CCDC152: variants seen among roughly 807,000 people sequenced by gnomAD.
CCDC152 encodes the protein coiled-coil domain-containing protein 152.
CCDC152 carries 37 observed loss-of-function variants against 38.1 expected under a neutral mutation model. The ratio of observed to expected loss-of-function variants is 0.97; its 90% CI spans 0.75 to 1.28. CCDC152 has a LOEUF of 1.28. Ranked by LOEUF, CCDC152 falls within the 50% of genes most tolerant of loss-of-function variation. The probability of loss-of-function intolerance (pLI) is 0.00; values close to 1 mark genes in which losing one functional copy is unlikely to be tolerated. For missense variants in CCDC152, 259 were observed against 292.1 expected (o/e 0.89, Z 0.83); for synonymous variants, 83 against 87.1 (o/e 0.95, Z 0.26).
rs1163577020 is a variant in CCDC152, at chr5:42,799,445, G to A, written c.629G>A (p.Ser210Asn). 7 of 1,539,456 alleles carry A rather than the reference G, an allele frequency of 4.5e-6. No individual in the cohort carries two copies. The East Asian group carries it at 1.2e-4, about 27-fold the overall frequency. The change falls in exon 8 of 9, where the codon AGT becomes AAT. Residue 210 changes from serine (S) to asparagine (N), a missense_variant. By Grantham distance (46) the Ser-to-Asn change is conservative. Transcript: ENST00000361970. ...CAGGATTCTACTGTTTTGCCACAAA[G>A]TATCTACAGAAGGGTATGTGAGTTT... ...SYQDSTVLPQSIYRRKLQHFQ... is the reference protein window; with the variant it reads ...SYQDSTVLPQNIYRRKLQHFQ...
At chr5:42,768,599 AC>A in intron 3 of CCDC152, among the ~76,000 whole-genome samples, 1 of 152,316 alleles carries the variant, frequency 6.6e-6, no homozygotes, top group East Asian at 1.9e-4. Flanking sequence ...AAGCCTTGGA[AC>A]ACTACTTACT....
At chr5:42,763,428 ACT>A (rs1759582602) in intron 3 of CCDC152, among the ~76,000 whole-genome samples, 1 of 152,144 alleles carries the variant, frequency 6.6e-6, no homozygotes, top group Admixed American at 6.5e-5. Context: ...ATGGCTCCAC[ACT>A]CATTAATCGT....
chr5:42,757,605 A>G (rs1759498024), intron 1 of CCDC152, among the ~76,000 whole-genome samples: 1 of 152,216 alleles, frequency 6.6e-6, no homozygotes, highest in Non-Finnish European at 1.5e-5. Flanking sequence ...GGGCAAGACC[A>G]TATTCACTGA....
At position 42,763,213 on chromosome 5, in the gene CCDC152, G is replaced by T. The variant is rs562633665; in HGVS notation, c.193+665G>T. ...AAGCACCCCACAGTGATGGGAGTAT[G>T]TTGAAAGTGAGACAAAAGCCAACTG... On this transcript the variant is annotated intron_variant, in intron 3 of 8. Coordinates refer to ENST00000361970, the MANE Select transcript of CCDC152 (RefSeq NM_001134848.2). Among the ~76,000 whole-genome samples the T allele has an allele frequency of 4.6e-5, 7 of 152,328 alleles. No individual in the cohort carries two copies. In the South Asian group the frequency reaches 1.4e-3, roughly 32 times the overall value.
intron 2 of CCDC152, among the ~76,000 whole-genome samples, chr5:42,762,043 T>C (rs1759559919): frequency 6.6e-6 from 1 of 152,214 alleles, no homozygotes. Flanking sequence ...ACCTAAATGG[T>C]GTAGCCTATT....
At chr5:42,771,013 A>T (rs1485236241) in intron 4 of CCDC152, among the ~76,000 whole-genome samples, 1 of 152,134 alleles carries the variant, frequency 6.6e-6, no homozygotes, top group African/African-American at 2.4e-5. Context: ...ATTAGTTCTA[A>T]TAGGTTTTCT....
chr5:42,783,301 G>A (rs1375653191), intron 5 of CCDC152, among the ~76,000 whole-genome samples, 173 bp from the exon 6 acceptor site: 3 of 151,634 alleles, frequency 2.0e-5, no homozygotes, highest in South Asian at 2.1e-4. Flanking sequence ...TATTAGAAAG[G>A]TGAAATTGTT....
intron 6 of CCDC152, among the ~76,000 whole-genome samples, chr5:42,796,127 A>T (rs1339324367): frequency 6.6e-6 from 1 of 152,042 alleles, no homozygotes; most frequent in Non-Finnish European, 1.5e-5. Context: ...GCATTAGCAG[A>T]TATACCTAAT....
intron 3 of CCDC152, among the ~76,000 whole-genome samples, chr5:42,765,686 T>G (rs1265755748): frequency 6.6e-6 from 1 of 152,122 alleles, no homozygotes; most frequent in Non-Finnish European, 1.5e-5. Context: ...CAATAACTGG[T>G]GCTGGGAAAA....
chr5:42,771,729 G>A lies in CCDC152; in HGVS notation c.262+2064G>A, dbSNP rs539376534. 7.9e-5 allele frequency among the ~76,000 whole-genome samples: 12 copies of A among 152,190 alleles called. No homozygotes were observed. The Middle Eastern group carries it at 0.01, about 129-fold the overall frequency. Reference sequence around the variant, plus strand: ...GCCAAAACTGAGTCAGAAATAGTCGGAACACACCAATGACAAATAAGGAGA... The same window carrying A: ...GCCAAAACTGAGTCAGAAATAGTCGAAACACACCAATGACAAATAAGGAGA... On this transcript the variant is annotated intron_variant, in intron 4 of 8. Transcript: ENST00000361970.
chr5:42,787,980 T>C (rs543987747), intron 6 of CCDC152, among the ~76,000 whole-genome samples: 1 of 152,266 alleles, frequency 6.6e-6, no homozygotes, highest in South Asian at 2.1e-4. Context: ...TTTGTTCCCT[T>C]TAGAGTGTTG....
At chr5:42,772,900 C>A (rs1327729419) in intron 4 of CCDC152, among the ~76,000 whole-genome samples, 1 of 152,112 alleles carries the variant, frequency 6.6e-6, no homozygotes, top group Non-Finnish European at 1.5e-5. Flanking sequence ...TAACAGGAAA[C>A]GGTTTTTCTT....
At chr5:42,772,808 CAATT>C (rs766462059) in intron 4 of CCDC152, among the ~76,000 whole-genome samples, 3 of 152,140 alleles carry the variant, frequency 2.0e-5, no homozygotes, top group Non-Finnish European at 4.4e-5. Context: ...CATTTTCATC[CAATT>C]GATTGCCAAG....
chr5:42,796,253 TAAAA>T (rs879551001), intron 6 of CCDC152, among the ~76,000 whole-genome samples: 3 of 142,398 alleles, frequency 2.1e-5, no homozygotes, highest in East Asian at 2.0e-4. Context: ...ATAATAAAAT[TAAAA>T]AAAAAAAAAA....
chr5:42,784,133 G>A (rs1393802017), intron 6 of CCDC152, among the ~76,000 whole-genome samples: 2 of 152,114 alleles, frequency 1.3e-5, no homozygotes, highest in Non-Finnish European at 2.9e-5. Flanking sequence ...GGGTTGAATA[G>A]TAATTTTATT....
chr5:42,761,875 A>G (rs1759558260), intron 2 of CCDC152, among the ~76,000 whole-genome samples: 1 of 152,202 alleles, frequency 6.6e-6, no homozygotes, highest in Non-Finnish European at 1.5e-5. Flanking sequence ...AGTCTGTTTT[A>G]ATATTTTACC....
chr5:42,799,923 C>T lies in CCDC152; in HGVS notation c.*142C>T. On this transcript the variant is annotated 3_prime_UTR_variant, in exon 9 of 9. Coordinates refer to ENST00000361970, the MANE Select transcript of CCDC152 (RefSeq NM_001134848.2). ...TTGAATTTATTTGGACAAATCCGTA[C>T]TGTATCCAATTCTGTACTGCATTCT... The T allele has an allele frequency of 1.1e-6, 1 of 915,348 alleles. No homozygotes were observed. Among genetic ancestry groups the T allele is most frequent in the Non-Finnish European group, 1.6e-6 (1 of 606,314 alleles). 56.7% of individuals were successfully genotyped at this position (915,348 alleles called of 1,614,324 possible).
At chr5:42,786,541 C>A (rs1473805576) in intron 6 of CCDC152, among the ~76,000 whole-genome samples, 1 of 152,064 alleles carries the variant, frequency 6.6e-6, no homozygotes, top group Non-Finnish European at 1.5e-5. Context: ...CTTGGTTAAT[C>A]TAGCAAGTGA....
chr5:42,799,357 CTTT>C lies in CCDC152; in HGVS notation c.559-16_559-14del. The C allele has an allele frequency of 7.4e-7, 1 of 1,351,886 alleles. No individual in the cohort carries two copies. Among genetic ancestry groups the C allele is most frequent in the Non-Finnish European group, 1.0e-6 (1 of 982,382 alleles). 83.7% of individuals were successfully genotyped at this position (1,351,886 alleles called of 1,614,324 possible). On this transcript the variant is annotated splice_polypyrimidine_tract_variant and intron_variant, in intron 7 of 8. Transcript: ENST00000361970. ...AATTGTCTAGAGTTTCAATAACTTT[CTTT>C]TCAATTTGATTCAGTTTGATGCCAA...
Sources: allele counts gnomAD v4.1 joint callset (sites outside exome capture counted in the v4.1 genomes callset), GRCh38; gene constraint gnomAD v4.1.1; transcripts MANE v1.5; gene names NCBI Gene and HGNC (gene_info 2026-07-23, HGNC 2026-07-21).